The following PKIG variants were observed in gnomAD, a reference collection of about 807,000 sequenced individuals.
The protein encoded by PKIG is protein kinase (cAMP-dependent, catalytic) inhibitor gamma.
PKIG carries 1 observed loss-of-function variant against 6.8 expected under a neutral mutation model. The observed-to-expected ratio is 0.15, with a 90% CI of 0.05 to 0.69. The LOEUF (loss-of-function observed/expected upper bound fraction) is 0.69, where lower values mean the gene tolerates loss of function less well. Ranked by LOEUF, PKIG falls within the 30% of genes least tolerant of loss-of-function variation. PKIG has a pLI of 0.82. For synonymous variants in PKIG, 39 were observed against 43.0 expected (o/e 0.91, Z 0.36); for missense variants, 77 against 104.0 (o/e 0.74, Z 1.13).
At chr20:44,592,054 C>T (rs1177503862) in intron 2 of PKIG, among the ~76,000 whole-genome samples, 1 of 152,212 alleles carries the variant, frequency 6.6e-6, no homozygotes, top group African/African-American at 2.4e-5. Flanking sequence ...CAAAAGAGTG[C>T]TTGGGCAGAG....
At chr20:44,585,678 A>G (rs2064983925) in intron 1 of PKIG, among the ~76,000 whole-genome samples, 1 of 152,260 alleles carries the variant, frequency 6.6e-6, no homozygotes, top group South Asian at 2.1e-4. Context: ...TTAAATGATG[A>G]CAAGTGAACT....
Position 44,614,919 on chromosome 20 carries a change from C to T in PKIG, c.151+212C>T, listed in dbSNP as rs527982839. Among the ~76,000 whole-genome samples the T allele has an allele frequency of 4.9e-4, 75 of 152,192 alleles. No individual in the cohort carries two copies. Among genetic ancestry groups the T allele is most frequent in the African/African-American group, 1.6e-3 (66 of 41,530 alleles). On this transcript the variant is annotated intron_variant, in intron 3 of 3. Transcript: ENST00000372886. This position sits in a 1 kb window ranked among gnomAD's most constrained non-coding sequence, Gnocchi z 4.6. ...CCAAGGACTCCTCTGGACAGGCATC[C>T]GGGACTCTTCCTGTCCCCCTGCCCC...
upstream of PKIG, among the ~76,000 whole-genome samples, chr20:44,580,354 GT>G (rs949953923): frequency 2.7e-4 from 40 of 147,110 alleles, no homozygotes; most frequent in African/African-American, 9.0e-4. Context: ...TTTGTTTTTT[GT>G]TTTTTTTTTA....
chr20:44,541,985 G>T (rs886225461), intron 1 of PKIG, among the ~76,000 whole-genome samples: 1 of 152,030 alleles, frequency 6.6e-6, no homozygotes, highest in Non-Finnish European at 1.5e-5. Context: ...CACCACTCCC[G>T]GCCAAGTATA....
At chr20:44,616,883 G>C (rs572860295) in intron 3 of PKIG, among the ~76,000 whole-genome samples, 1 of 152,350 alleles carries the variant, frequency 6.6e-6, no homozygotes, top group African/African-American at 2.4e-5. Flanking sequence ...GCTCGGAATA[G>C]GGTCCCGAGC....
chr20:44,567,064 G>A (rs244120), intron 1 of PKIG, among the ~76,000 whole-genome samples: 34,283 of 151,988 alleles, frequency 0.23, 4,967 homozygotes, highest in African/African-American at 0.41. Context: ...ATAAGTGTCT[G>A]CTCCAGCTGG....
At chr20:44,592,716 A>G (rs1336046171) in intron 2 of PKIG, among the ~76,000 whole-genome samples, 1 of 152,202 alleles carries the variant, frequency 6.6e-6, no homozygotes, top group Non-Finnish European at 1.5e-5. Flanking sequence ...AACTCCTTTG[A>G]GAGGAGCCTC....
chr20:44,566,063 A>G (rs1356924691), intron 1 of PKIG, among the ~76,000 whole-genome samples: 2 of 152,080 alleles, frequency 1.3e-5, no homozygotes, highest in Non-Finnish European at 2.9e-5. Flanking sequence ...CACCCAGCCA[A>G]TAGGTGATTA....
chr20:44,578,511 T>G (rs2064919574), upstream of PKIG, among the ~76,000 whole-genome samples: 1 of 152,012 alleles, frequency 6.6e-6, no homozygotes, highest in Non-Finnish European at 1.5e-5. Flanking sequence ...TCAGCCACTG[T>G]GCCTGGCCCT....
intron 1 of PKIG, among the ~76,000 whole-genome samples, chr20:44,586,058 C>G (rs2064987900): frequency 1.3e-5 from 2 of 152,134 alleles, no homozygotes; most frequent in South Asian, 4.1e-4. Flanking sequence ...CTCTCGAGTT[C>G]AGTGAGAAAT....
intron 2 of PKIG, among the ~76,000 whole-genome samples, chr20:44,606,907 G>A (rs1303371743): frequency 6.6e-6 from 1 of 152,254 alleles, no homozygotes; most frequent in Non-Finnish European, 1.5e-5. Context: ...CCTCTTGGAA[G>A]CAGAGAGCAG....
chr20:44,559,207 G>A (rs918404800), intron 1 of PKIG, among the ~76,000 whole-genome samples: 1 of 152,158 alleles, frequency 6.6e-6, no homozygotes, highest in East Asian at 1.9e-4. Flanking sequence ...TTTCGTAGAA[G>A]TAAACCATTC....
At chr20:44,556,174 A>G (rs976309528) in intron 1 of PKIG, among the ~76,000 whole-genome samples, 2 of 152,048 alleles carry the variant, frequency 1.3e-5, no homozygotes, top group Non-Finnish European at 2.9e-5. Context: ...CTGCTTTATT[A>G]CTCTGAACAA....
intron 2 of PKIG, among the ~76,000 whole-genome samples, chr20:44,591,885 C>T (rs998573482): frequency 3.9e-5 from 6 of 152,128 alleles, no homozygotes; most frequent in Non-Finnish European, 7.4e-5. Flanking sequence ...TGCATCCTGT[C>T]GCTGCAGCTT....
At chr20:44,601,955 G>T (rs1034883118) in intron 2 of PKIG, among the ~76,000 whole-genome samples, 13 of 152,184 alleles carry the variant, frequency 8.5e-5, no homozygotes, top group Admixed American at 6.5e-4. Context: ...AGAAACCCAC[G>T]GGAGAAGTGG....
chr20:44,541,783 G>C (rs1490894037), intron 1 of PKIG, among the ~76,000 whole-genome samples: 1 of 150,416 alleles, frequency 6.6e-6, no homozygotes, highest in Non-Finnish European at 1.5e-5. Context: ...TCGCCTCCCA[G>C]GTTCAAGCGA....
intron 1 of PKIG, among the ~76,000 whole-genome samples, chr20:44,540,541 C>G (rs2064551796): frequency 6.6e-6 from 1 of 151,838 alleles, no homozygotes; most frequent in Admixed American, 6.6e-5. Context: ...GGGGTTTTCA[C>G]ATGTACTGAT....
chr20:44,609,735 G>A lies in PKIG; in HGVS notation c.-23-4799G>A, dbSNP rs376690076. The stretch of plus-strand genomic sequence containing the variant: ...CTGACAGTCTAACTGAGGAAGAGCC[G>A]AGGACTCGGAGGCTCCGGGAGCCAG... On this transcript the variant is annotated intron_variant, in intron 2 of 3. Transcript: ENST00000372886. Among the ~76,000 whole-genome samples, 163 of 152,268 alleles carry A rather than the reference G, an allele frequency of 1.1e-3. 4 individuals carry two copies. The South Asian group carries it at 0.032, about 30-fold the overall frequency.
At chr20:44,592,964 A>G (rs912598280) in intron 2 of PKIG, among the ~76,000 whole-genome samples, 2 of 152,196 alleles carry the variant, frequency 1.3e-5, no homozygotes, top group African/African-American at 2.4e-5. Context: ...TAAAATTCCT[A>G]TGAAACCATG....
Sources: gnomAD v4.1 joint callset for allele counts (sites outside exome capture counted in the v4.1 genomes callset) on GRCh38, gnomAD v4.1.1 for gene constraint, Gnocchi (gnomAD v3.1) non-coding constraint, MANE v1.5 for transcripts, NCBI Gene and HGNC (gene_info 2026-07-23, HGNC 2026-07-21) for gene names.